Variants in PARD3 observed in about 807,000 individuals in gnomAD.
PARD3 encodes par-3 family cell polarity regulator, also known as partitioning defective 3 homolog.
A neutral mutation model predicts 155.4 loss-of-function variants in PARD3; 75 were observed. The ratio of observed to expected loss-of-function variants is 0.48; its 90% CI spans 0.40 to 0.58. The LOEUF (loss-of-function observed/expected upper bound fraction) is 0.58, where lower values mean the gene tolerates loss of function less well. Among genes scored for constraint, PARD3 ranks in the 20% least tolerant of loss-of-function variants. The pLI is 0.00. For synonymous variants in PARD3, 576 were observed against 610.5 expected, an observed-to-expected ratio of 0.94 and a Z score of 0.83; for missense variants, 1,642 against 1,721.7, an observed-to-expected ratio of 0.95 and a Z score of 0.82.
chr10:34,608,421 G>C (rs916264099), intron 2 of PARD3, among the ~76,000 whole-genome samples: 5 of 151,876 alleles, frequency 3.3e-5, no homozygotes, highest in South Asian at 4.2e-4. Flanking sequence ...GAGCCATCTA[G>C]TTCTTAGGCA....
rs181414719 is a variant in PARD3 at position 34,341,904 on chromosome 10, A to G, written c.2219-88T>C. ...ATTTTAATACTTTGCTATATTAGTA[A>G]AAGTCTAATTTTCCACATATCTGCT... is the stretch of plus-strand genomic sequence containing the variant. On this transcript the variant is annotated intron_variant, in intron 15 of 24. Coordinates refer to ENST00000374788, the MANE Select transcript of PARD3 (RefSeq NM_001184785.2). 11 of 791,776 alleles carry G rather than the reference A, an allele frequency of 1.4e-5. No individual in the cohort carries two copies. In the African/African-American group the frequency reaches 1.6e-4, roughly 11 times the overall value. 49.0% of individuals were successfully genotyped at this position (791,776 alleles called of 1,614,324 possible). A position where few individuals can be genotyped will look rare whatever the true frequency, so the allele number is the denominator to read the frequency against.
chr10:34,656,413 T>A (rs9418107), intron 2 of PARD3, among the ~76,000 whole-genome samples: 50,187 of 152,098 alleles, frequency 0.33, 8,391 homozygotes, highest in South Asian at 0.42. Flanking sequence ...TAATTAAAAC[T>A]TGGCACAGTT....
In PARD3 at chr10:34,284,200, T is replaced by A. The variant is rs1206409834; in HGVS notation, c.3111A>T (p.Lys1037Asn). The change falls in exon 21 of 25, where the codon AAA becomes AAT. Residue 1037 changes from lysine to asparagine, a missense_variant. Lys to Asn is a moderately conservative substitution (Grantham distance 94). Coordinates refer to ENST00000374788, the MANE Select transcript of PARD3 (RefSeq NM_001184785.2). ...ATGTAAAGGATTCCTGTATTTTTAT[T>A]TTACCCGTTTTCTCAATCTTGTCAT... ...RKDDKIEKTG[K>N]IKIQESFTSE... 6.2e-7 allele frequency: 1 copy of A among 1,610,958 alleles called. No homozygotes were observed. Among genetic ancestry groups the A allele is most frequent in the Non-Finnish European group, 8.5e-7 (1 of 1,178,616 alleles).
chr10:34,605,521 CTCCTATATATA>C (rs1307802356), intron 2 of PARD3, among the ~76,000 whole-genome samples: 2 of 51,328 alleles, frequency 3.9e-5, no homozygotes, highest in African/African-American at 8.3e-5. Flanking sequence ...ATATATATAT[CTCCTATATATA>C]TCTCCTATAT....
intron 2 of PARD3, among the ~76,000 whole-genome samples, chr10:34,637,870 G>A (rs1188859008): frequency 3.9e-5 from 6 of 152,208 alleles, no homozygotes; most frequent in African/African-American, 1.4e-4. Flanking sequence ...TAAGTTTGCA[G>A]GCGTGAAATA....
At chr10:34,311,056 G>A (rs1248353086) in intron 20 of PARD3, among the ~76,000 whole-genome samples, 1 of 152,134 alleles carries the variant, frequency 6.6e-6, no homozygotes, top group Non-Finnish European at 1.5e-5. Flanking sequence ...ATGGCAATTA[G>A]GTCCAAGTCA....
At chr10:34,776,833 T>TTTGGGGGGG (rs1564608800) in intron 1 of PARD3, among the ~76,000 whole-genome samples, 1 of 9,908 alleles carries the variant, frequency 1.0e-4, no homozygotes, top group African/African-American at 2.9e-4. Flanking sequence ...CGTGTTTTTT[T>TTTGGGGGGG]GTGGGGGGGG....
intron 3 of PARD3, among the ~76,000 whole-genome samples, chr10:34,501,354 C>T (rs998046977): frequency 1.6e-4 from 25 of 152,094 alleles, no homozygotes; most frequent in African/African-American, 5.8e-4. Context: ...CGTCATGTGA[C>T]GTGCCTCCTC....
At chr10:34,641,376 G>A (rs1204931890) in intron 2 of PARD3, among the ~76,000 whole-genome samples, 1 of 152,188 alleles carries the variant, frequency 6.6e-6, no homozygotes, top group African/African-American at 2.4e-5. Flanking sequence ...ACTGGGGCTT[G>A]GCCTATCTTT....
chr10:34,670,610 T>C (rs2093593554), intron 2 of PARD3, among the ~76,000 whole-genome samples: 1 of 152,176 alleles, frequency 6.6e-6, no homozygotes, highest in Non-Finnish European at 1.5e-5. Flanking sequence ...GAGTGGTTTC[T>C]GGGCATCTAT....
chr10:34,215,614 AT>A (rs957626802), intron 22 of PARD3, among the ~76,000 whole-genome samples: 18 of 152,254 alleles, frequency 1.2e-4, no homozygotes, highest in African/African-American at 3.9e-4. Flanking sequence ...AACTCCATGG[AT>A]TATAAAAATG....
chr10:34,281,625 T>C (rs1313940680), intron 21 of PARD3, among the ~76,000 whole-genome samples: 1 of 152,134 alleles, frequency 6.6e-6, no homozygotes, highest in African/African-American at 2.4e-5. Context: ...TCAAACTTAA[T>C]CTTGGACCCG....
rs139849191 is a variant in PARD3, at chr10:34,493,441, T to C, written c.404-23178A>G. ...ATGGTTAAATAAAATTATTAAAAAT[T>C]ATAATACAGGCCAGGCATGGTGGCT... On this transcript the variant is annotated intron_variant, in intron 3 of 24. Transcript: ENST00000374788. Among the ~76,000 whole-genome samples, 213 of 152,230 alleles carry C rather than the reference T, an allele frequency of 1.4e-3. 1 individual carries two copies. Among genetic ancestry groups the C allele is most frequent in the African/African-American group, 4.9e-3 (204 of 41,544 alleles).
At chr10:34,175,447 T>C (rs1949991138) in intron 22 of PARD3, among the ~76,000 whole-genome samples, 1 of 152,178 alleles carries the variant, frequency 6.6e-6, no homozygotes. Flanking sequence ...TTAAATATGC[T>C]TCCATATGCC....
chr10:34,490,179 GAC>G (rs1435234879), intron 3 of PARD3, among the ~76,000 whole-genome samples: 1 of 152,194 alleles, frequency 6.6e-6, no homozygotes, highest in African/African-American at 2.4e-5. Context: ...TGGAAGAAAA[GAC>G]ACTATTCATT....
intron 2 of PARD3, among the ~76,000 whole-genome samples, chr10:34,673,177 G>A (rs777991271): frequency 3.3e-5 from 5 of 152,146 alleles, no homozygotes; most frequent in Non-Finnish European, 7.4e-5. Context: ...CACACTGCAT[G>A]ATATTTCCTT....
chr10:34,814,754 C>A (rs1844691502), intron 1 of PARD3, 122 bp downstream of exon 1: 5 of 868,684 alleles, frequency 5.8e-6, no homozygotes, highest in Non-Finnish European at 8.3e-6. Context: ...GAGGCCCGAC[C>A]GGCCGCACTT....
Position 34,399,362 on chromosome 10 carries a change from G to C in PARD3, c.858C>G (p.Ile286Met). Residue 286 changes from isoleucine to methionine, a missense_variant, in exon 7 of 25, where the codon ATC (isoleucine) becomes ATG (methionine). Coordinates refer to ENST00000374788, the MANE Select transcript of PARD3 (RefSeq NM_001184785.2). ...EVPNDGGPLG[I>M]HVVPFSARGG... The stretch of plus-strand genomic sequence containing the variant: ...CTCGAGCACTGAAAGGCACTACGTG[G>C]ATTCCCAGAGGCCCTCCATCGTTGG... The C allele has an allele frequency of 1.2e-6, 2 of 1,611,740 alleles. No homozygotes were observed. Among genetic ancestry groups the C allele is most frequent in the Non-Finnish European group, 1.7e-6 (2 of 1,177,902 alleles).
chr10:34,670,679 C>A (rs932669591), intron 2 of PARD3, among the ~76,000 whole-genome samples: 1 of 152,072 alleles, frequency 6.6e-6, no homozygotes, highest in Non-Finnish European at 1.5e-5. Flanking sequence ...CTAGTGAAAC[C>A]ATGGTTAAGA....
Sources: allele counts gnomAD v4.1 joint callset (sites outside exome capture counted in the v4.1 genomes callset), GRCh38; gene constraint gnomAD v4.1.1; transcripts MANE v1.5; gene names NCBI Gene and HGNC (gene_info 2026-07-23, HGNC 2026-07-21).